The following RARB variants were observed in gnomAD, a reference collection of about 807,000 sequenced individuals.
RARB encodes the protein HBV-activated protein.
RARB carries 17 observed loss-of-function variants against 51.9 expected under a neutral mutation model. The observed-to-expected ratio is 0.33, with a 90% CI of 0.22 to 0.49. The LOEUF (loss-of-function observed/expected upper bound fraction) is 0.49, where lower values mean the gene tolerates loss of function less well. RARB is among the 20% of genes least tolerant of loss of function. RARB has a pLI of 0.99. For missense variants in RARB, 369 were observed against 550.8 expected, an observed-to-expected ratio of 0.67 and a Z score of 3.30; for synonymous variants, 215 against 195.4, an observed-to-expected ratio of 1.10 and a Z score of -0.84.
Position 25,012,555 on chromosome 3 carries a change from G to A in RARB, c.-379-47570G>A, listed in dbSNP as rs116665661. Among the ~76,000 whole-genome samples the A allele has an allele frequency of 4.7e-3, 715 of 152,212 alleles. 6 individuals carry two copies. Among genetic ancestry groups the A allele is most frequent in the African/African-American group, 0.015 (637 of 41,552 alleles). ...ATGATACACTGATTTCAGTTTTACC[G>A]TCTTATTACACATGCAAAAGGCCTG... On this transcript the variant is annotated intron_variant, in intron 2 of 11. Transcript: ENST00000383772.
In RARB at chr3:25,004,683, A is replaced by T. The variant is rs376171496; in HGVS notation, c.-379-55442A>T. On this transcript the variant is annotated intron_variant, in intron 2 of 11. Coordinates refer to the RARB transcript ENST00000383772. ...GATATTGTCACTTCTGCAGTGTGAC[A>T]TTTAGATCCCCATGAAACTGTTCAG... Among the ~76,000 whole-genome samples the T allele has an allele frequency of 3.3e-5, 5 of 152,120 alleles. No homozygotes were observed. In the East Asian group the frequency reaches 7.7e-4, roughly 23 times the overall value.
intron 3 of RARB, among the ~76,000 whole-genome samples, chr3:25,130,904 TATTGATAATATTATCAATATTTATC>T (rs1559477463): frequency 2.6e-5 from 1 of 38,388 alleles, no homozygotes; most frequent in Admixed American, 4.0e-4. Flanking sequence ...ATATCAATAT[TATTGATAATATTATCAATATTTATC>T]ATTGATAATA....
chr3:24,981,275 A>G (rs540031547), intron 2 of RARB, among the ~76,000 whole-genome samples: 1 of 152,290 alleles, frequency 6.6e-6, no homozygotes, highest in South Asian at 2.1e-4. Flanking sequence ...CTTGAACGCC[A>G]TGTTGGGAGA....
At chr3:25,569,678 T>G in intron 3 of RARB, 80 bp from the exon 4 acceptor site, 1 of 1,455,166 alleles carries the variant, frequency 6.9e-7, no homozygotes, top group South Asian at 1.3e-5. Context: ...TAAGGCAGCC[T>G]TGGGAGGTGG....
chr3:25,035,413 C>T (rs1046826442), intron 2 of RARB, among the ~76,000 whole-genome samples: 15 of 143,294 alleles, frequency 1.0e-4, no homozygotes, highest in African/African-American at 1.8e-4. Context: ...TGAGCCGCTG[C>T]GTCCAGCCTT....
intron 3 of RARB, among the ~76,000 whole-genome samples, chr3:25,122,286 T>C (rs1177554290): frequency 6.6e-6 from 1 of 152,104 alleles, no homozygotes; most frequent in African/African-American, 2.4e-5. Context: ...ATTGTATTAG[T>C]AATGATTAAG....
chr3:25,093,011 T>G (rs952988320), intron 3 of RARB, among the ~76,000 whole-genome samples: 1 of 152,158 alleles, frequency 6.6e-6, no homozygotes, highest in Non-Finnish European at 1.5e-5. Context: ...TGCCATTCCA[T>G]CCCTACTTAG....
chr3:25,298,884 A>G (rs1703977488), intron 5 of RARB, among the ~76,000 whole-genome samples: 1 of 152,172 alleles, frequency 6.6e-6, no homozygotes, highest in Non-Finnish European at 1.5e-5. Context: ...TGGGAGCCAG[A>G]TGTGATTCCA....
intron 2 of RARB, among the ~76,000 whole-genome samples, chr3:24,981,181 C>T (rs1328036469): frequency 1.3e-5 from 2 of 152,164 alleles, no homozygotes; most frequent in African/African-American, 2.4e-5. Flanking sequence ...AGGTGTCCGT[C>T]AGCCCCTCCT....
chr3:25,398,315 A>G (rs1707172624), intron 5 of RARB, among the ~76,000 whole-genome samples: 1 of 152,162 alleles, frequency 6.6e-6, no homozygotes, highest in Non-Finnish European at 1.5e-5. Flanking sequence ...ATGCTCCAAC[A>G]TAACTCCCAT....
chr3:25,191,105 T>C (rs1322425667), intron 5 of RARB, among the ~76,000 whole-genome samples: 1 of 152,116 alleles, frequency 6.6e-6, no homozygotes, highest in Non-Finnish European at 1.5e-5. Context: ...GACTTTGATA[T>C]AACTTCCATG....
intron 5 of RARB, among the ~76,000 whole-genome samples, chr3:25,286,303 T>C (rs370810033): frequency 6.6e-6 from 1 of 152,102 alleles, no homozygotes; most frequent in South Asian, 2.1e-4. Flanking sequence ...TTAGCCAGGA[T>C]GGTCTCGATC....
intron 2 of RARB, among the ~76,000 whole-genome samples, chr3:25,495,559 C>T (rs536027629): frequency 6.6e-6 from 1 of 152,324 alleles, no homozygotes; most frequent in African/African-American, 2.4e-5. Flanking sequence ...AATACATGAA[C>T]CAAATGGCTC....
chr3:25,458,550 A>G (rs189456836), intron 1 of RARB, among the ~76,000 whole-genome samples: 1 of 152,292 alleles, frequency 6.6e-6, no homozygotes, highest in Admixed American at 6.5e-5. Flanking sequence ...TTGATAGCTG[A>G]TAAGCTTTAG....
chr3:24,878,846 C>A (rs73823013), intron 2 of RARB, among the ~76,000 whole-genome samples: 151 of 152,232 alleles, frequency 9.9e-4, no homozygotes, highest in African/African-American at 2.9e-3. Flanking sequence ...CGGAGAAAAA[C>A]CTTACTGTCT....
At chr3:24,910,343 A>G (rs1242699575) in intron 2 of RARB, among the ~76,000 whole-genome samples, 1 of 152,164 alleles carries the variant, frequency 6.6e-6, no homozygotes, top group Non-Finnish European at 1.5e-5. Flanking sequence ...TCCCGCTAAT[A>G]CTAATGTCTA....
intron 5 of RARB, among the ~76,000 whole-genome samples, chr3:25,257,552 T>C (rs1348641236): frequency 6.6e-6 from 1 of 151,994 alleles, no homozygotes; most frequent in East Asian, 1.9e-4. Flanking sequence ...TAATGAGATA[T>C]AACATCTAAA....
intron 3 of RARB, among the ~76,000 whole-genome samples, chr3:25,072,975 G>C (rs1244597945): frequency 6.6e-6 from 1 of 152,072 alleles, no homozygotes; most frequent in Non-Finnish European, 1.5e-5. Context: ...TGGGATTACA[G>C]GTGTGAGCCA....
intron 3 of RARB, among the ~76,000 whole-genome samples, chr3:25,099,440 A>G (rs1054321245): frequency 1.3e-5 from 2 of 152,162 alleles, no homozygotes; most frequent in Non-Finnish European, 2.9e-5. Flanking sequence ...TTTCATTTAT[A>G]ATGTCTTAGA....
Sources: gnomAD v4.1 joint callset for allele counts (sites outside exome capture counted in the v4.1 genomes callset) on GRCh38, gnomAD v4.1.1 for gene constraint, MANE v1.5 for transcripts, NCBI Gene and HGNC (gene_info 2026-07-23, HGNC 2026-07-21) for gene names.